The following NUMB variants were observed in gnomAD, a reference collection of about 807,000 sequenced individuals.
The protein encoded by NUMB is protein numb homolog.
Under a neutral mutation model 59.7 loss-of-function variants are expected in NUMB, and 29 were observed. The ratio of observed to expected loss-of-function variants is 0.49; its 90% confidence interval spans 0.36 to 0.66. The LOEUF (loss-of-function observed/expected upper bound fraction) is 0.66. Ranked by LOEUF, NUMB falls within the 30% of genes least tolerant of loss-of-function variation. The probability of loss-of-function intolerance (pLI) is 0.00; values close to 1 mark genes in which losing one functional copy is unlikely to be tolerated. For missense variants in NUMB, 723 were observed against 822.0 expected (o/e 0.88, Z 1.47); for synonymous variants, 288 against 288.2 (o/e 1.00, Z 0.01).
At chr14:73,327,343 G>A (rs1456628219) in intron 4 of NUMB, among the ~76,000 whole-genome samples, 1 of 152,172 alleles carries the variant, frequency 6.6e-6, no homozygotes, top group Non-Finnish European at 1.5e-5. Flanking sequence ...TGCAATCTCT[G>A]CCTCCCGGGT....
At chr14:73,398,090 T>C (rs1896222193) in intron 2 of NUMB, among the ~76,000 whole-genome samples, 1 of 152,078 alleles carries the variant, frequency 6.6e-6, no homozygotes, top group African/African-American at 2.4e-5. Context: ...TAAAACCCAG[T>C]TTCACAAAAA....
chr14:73,420,206 T>G (rs568422256), intron 1 of NUMB, among the ~76,000 whole-genome samples: 1 of 152,192 alleles, frequency 6.6e-6, no homozygotes, highest in South Asian at 2.1e-4. Flanking sequence ...TTTCCAGGTA[T>G]GAGAGCAGTG....
chr14:73,401,639 G>C (rs563719450), intron 2 of NUMB, among the ~76,000 whole-genome samples: 4 of 141,772 alleles, frequency 2.8e-5, no homozygotes, highest in African/African-American at 1.1e-4. Flanking sequence ...GCATGACCTT[G>C]GCTCACTGCA....
In NUMB at chr14:73,297,309, G is replaced by T. The variant is rs746978858; in HGVS notation, c.235-24C>A. ...GTCTTTTAAGAGAAACCAAAAAGGG[G>T]AGGGGGAGATACACATATATAATAT... is the stretch of plus-strand genomic sequence containing the variant. On this transcript the variant is annotated intron_variant, in intron 6 of 12. Transcript: ENST00000555238. 5 of 1,400,338 alleles carry T rather than the reference G, an allele frequency of 3.6e-6. No individual in the cohort carries two copies. In the East Asian group the frequency reaches 1.1e-4, roughly 32 times the overall value. The allele number at this position is 1,400,338 out of a possible 1,614,324, so 86.7% of individuals were successfully genotyped here. A position where few individuals can be genotyped will look rare whatever the true frequency, so the allele number is the denominator to read the frequency against.
chr14:73,456,576 T>G (rs1207478698), intron 1 of NUMB, among the ~76,000 whole-genome samples: 1 of 152,260 alleles, frequency 6.6e-6, no homozygotes, highest in Non-Finnish European at 1.5e-5. Flanking sequence ...TTCTACATTT[T>G]ATTTTCAATG....
At chr14:73,280,991 G>A (rs967987149) in intron 11 of NUMB, among the ~76,000 whole-genome samples, 1 of 151,974 alleles carries the variant, frequency 6.6e-6, no homozygotes, top group Non-Finnish European at 1.5e-5. Flanking sequence ...CACCCAGCCG[G>A]TGTTGGTACT....
intron 1 of NUMB, among the ~76,000 whole-genome samples, chr14:73,421,278 G>A (rs761095255): frequency 4.6e-5 from 7 of 151,846 alleles, no homozygotes; most frequent in African/African-American, 1.7e-4. Context: ...TCCACCTCCC[G>A]GACTCAAGCG....
intron 4 of NUMB, among the ~76,000 whole-genome samples, chr14:73,351,593 G>A (rs994616911): frequency 6.6e-5 from 10 of 152,170 alleles, no homozygotes; most frequent in African/African-American, 2.4e-4. Context: ...TACAGAGTTT[G>A]GGAAGATGAA....
intron 5 of NUMB, among the ~76,000 whole-genome samples, chr14:73,318,210 T>C (rs1480244767): frequency 1.3e-5 from 2 of 152,150 alleles, no homozygotes; most frequent in African/African-American, 2.4e-5. Flanking sequence ...AGGAAGGAGA[T>C]TGTTAATATT....
chr14:73,421,424 C>T (rs1023071169), intron 1 of NUMB, among the ~76,000 whole-genome samples: 1 of 152,122 alleles, frequency 6.6e-6, no homozygotes, highest in African/African-American at 2.4e-5. Flanking sequence ...GGTGGTCCAC[C>T]TGCCTCAGCC....
intron 1 of NUMB, among the ~76,000 whole-genome samples, chr14:73,434,016 C>T (rs764904673): frequency 1.3e-5 from 2 of 152,170 alleles, no homozygotes; most frequent in Non-Finnish European, 2.9e-5. Flanking sequence ...TCGCTTAGAA[C>T]CTGGGAGGCG....
rs1272102359 is a variant in NUMB at position 73,277,392 on chromosome 14, TC to T, written c.1241-100del. 27 of 945,580 alleles carry T rather than the reference TC, an allele frequency of 2.9e-5. No homozygotes were observed. In the Middle Eastern group the frequency reaches 1.5e-3, roughly 53 times the overall value. The allele number at this position is 945,580 out of a possible 1,614,324, so 58.6% of individuals were successfully genotyped here. A position where few individuals can be genotyped will look rare whatever the true frequency, so the allele number is the denominator to read the frequency against. On this transcript the variant is annotated intron_variant, in intron 12 of 12. Transcript: ENST00000555238. ...GAATGATCCTAACATGTACAACATG[TC>T]CCCCCCTAATGGGACATTTTGTGGT...
intron 1 of NUMB, among the ~76,000 whole-genome samples, chr14:73,413,145 C>T (rs1299201612): frequency 2.0e-5 from 3 of 151,520 alleles, no homozygotes; most frequent in Admixed American, 1.3e-4. Context: ...AGTGCAGTGG[C>T]GTGATCTCGG....
At chr14:73,278,021 TAGTGACAC>T (rs1420579167) in intron 12 of NUMB, among the ~76,000 whole-genome samples, 30 of 119,148 alleles carry the variant, frequency 2.5e-4, no homozygotes, top group African/African-American at 9.5e-4. Flanking sequence ...TACTCCAGCC[TAGTGACAC>T]AGCGAGACTC....
intron 2 of NUMB, among the ~76,000 whole-genome samples, chr14:73,377,491 T>C (rs1895008498): frequency 6.7e-6 from 1 of 150,344 alleles, no homozygotes; most frequent in Non-Finnish European, 1.5e-5. Flanking sequence ...AATACAAAAA[T>C]TAGCTGGGCT....
At chr14:73,385,496 C>CTTTTTTTT (rs35526624) in intron 2 of NUMB, among the ~76,000 whole-genome samples, 37 of 65,344 alleles carry the variant, frequency 5.7e-4, no homozygotes, top group East Asian at 1.5e-3. Flanking sequence ...GGCTAGTGGC[C>CTTTTTTTT]TTTTTTTTTT....
chr14:73,280,909 G>C (rs1293115889), intron 11 of NUMB, among the ~76,000 whole-genome samples: 1 of 151,878 alleles, frequency 6.6e-6, no homozygotes, highest in East Asian at 1.9e-4. Flanking sequence ...GGCTAGGCTG[G>C]TCTCGAACTC....
At chr14:73,353,133 G>A (rs1377503742) in intron 4 of NUMB, among the ~76,000 whole-genome samples, 1 of 109,868 alleles carries the variant, frequency 9.1e-6, no homozygotes, top group Non-Finnish European at 1.7e-5. Flanking sequence ...TGCCCGGGCT[G>A]GAGTGCAATG....
rs116778253 is a variant in NUMB, at chr14:73,432,366, T to C, written c.-232-22298A>G. 5.1e-3 allele frequency among the ~76,000 whole-genome samples: 781 copies of C among 152,076 alleles called. 9 individuals carry two copies. Among genetic ancestry groups the C allele is most frequent in the African/African-American group, 0.018 (737 of 41,518 alleles). On this transcript the variant is annotated intron_variant, in intron 1 of 12. Transcript: ENST00000555238. ...ACACAAGAACAGGCTCACATGTATA[T>C]AGAGATAAGATACATGACTTAAGAT... is the stretch of plus-strand genomic sequence containing the variant.
Sources: gnomAD v4.1 joint callset for allele counts (sites outside exome capture counted in the v4.1 genomes callset) on GRCh38, gnomAD v4.1.1 for gene constraint, MANE v1.5 for transcripts, NCBI Gene and HGNC (gene_info 2026-07-23, HGNC 2026-07-21) for gene names.